The following UGT2A1 variants were observed in gnomAD, a reference collection of about 807,000 sequenced individuals.
UGT2A1 encodes UDP-glucuronosyltransferase 2A1.
A neutral mutation model predicts 45.4 loss-of-function variants in UGT2A1; 61 were observed. That is an observed-to-expected ratio of 1.34 (90% CI 1.09 to 1.66). UGT2A1 has a LOEUF of 1.66. Among genes scored for constraint, UGT2A1 ranks in the 40% most tolerant of loss-of-function variants. The pLI is 0.00. For synonymous variants in UGT2A1, 229 were observed against 196.2 expected, an observed-to-expected ratio of 1.17 and a Z score of -1.40; for missense variants, 649 against 574.3, an observed-to-expected ratio of 1.13 and a Z score of -1.33.
intron 1 of UGT2A1, among the ~76,000 whole-genome samples, chr4:69,647,937 T>C (rs916915553): frequency 6.6e-6 from 1 of 151,848 alleles, no homozygotes; most frequent in Non-Finnish European, 1.5e-5. Flanking sequence ...CAACCCTTTT[T>C]TGTGTGTTTC....
intron 3 of UGT2A1, among the ~76,000 whole-genome samples, chr4:69,607,468 A>T (rs1181299234): frequency 6.6e-6 from 1 of 152,016 alleles, no homozygotes; most frequent in Non-Finnish European, 1.5e-5. Context: ...TAAAAACCCT[A>T]GAAGAAAACC....
chr4:69,611,967 C>T (rs1424774358), intron 3 of UGT2A1, among the ~76,000 whole-genome samples: 1 of 151,910 alleles, frequency 6.6e-6, no homozygotes, highest in East Asian at 1.9e-4. Context: ...GAAAAATTTC[C>T]TCTGTTGACT....
intron 3 of UGT2A1, among the ~76,000 whole-genome samples, chr4:69,620,291 GA>G (rs112020407): frequency 6.8e-6 from 1 of 148,078 alleles, no homozygotes; most frequent in Admixed American, 6.7e-5. Context: ...AAAGTTTCAG[GA>G]AAAAAAATCT....
chr4:69,601,614 G>C (rs1577954011), intron 3 of UGT2A1, among the ~76,000 whole-genome samples: 1 of 152,196 alleles, frequency 6.6e-6, no homozygotes, highest in Middle Eastern at 3.4e-3. Flanking sequence ...TCCTGAGTTT[G>C]TCCACATGCC....
chr4:69,614,280 C>T (rs1255805659), intron 3 of UGT2A1, among the ~76,000 whole-genome samples: 2 of 151,804 alleles, frequency 1.3e-5, no homozygotes, highest in African/African-American at 4.8e-5. Context: ...AGAAATATAT[C>T]TACAATGAAA....
intron 3 of UGT2A1, 164 bp from the exon 4 acceptor site, chr4:69,599,558 G>A: frequency 9.7e-7 from 1 of 1,026,192 alleles, no homozygotes; most frequent in South Asian, 2.6e-5. Flanking sequence ...AGAAATTAAA[G>A]AGGATGGAAG....
rs1315694077 is a variant in UGT2A1 at position 69,647,153 on chromosome 4, T to A, written c.492A>T (p.Gly164=). The change falls in exon 2 of 7, where the codon GGA becomes GGT. Residue 164 remains glycine (G), a synonymous_variant. Coordinates refer to ENST00000286604, the MANE Select transcript of UGT2A1 (RefSeq NM_001252275.3). ...ACCTCAAGGAGTACATAAATGGAATTCCAAGTTTTAAAGCTACTATATCGC... is the reference window on the plus strand; with the variant it reads ...ACCTCAAGGAGTACATAAATGGAATACCAAGTTTTAAAGCTACTATATCGC... ...PCGDIVALKL[G]IPFMYSLRFS... The A allele has an allele frequency of 5.0e-6, 8 of 1,612,902 alleles. No homozygotes were observed. The highest frequency in any genetic ancestry group is 6.8e-6 in the Non-Finnish European group (8 of 1,179,404).
At chr4:69,625,703 T>C (rs1157086246) in intron 3 of UGT2A1, among the ~76,000 whole-genome samples, 3 of 151,460 alleles carry the variant, frequency 2.0e-5, no homozygotes, top group East Asian at 1.9e-4. Flanking sequence ...ATAGCACTTA[T>C]GTAAATTTAA....
intron 3 of UGT2A1, among the ~76,000 whole-genome samples, chr4:69,612,485 C>T (rs1283807017): frequency 1.3e-5 from 2 of 152,020 alleles, no homozygotes; most frequent in South Asian, 2.1e-4. Flanking sequence ...CAACTTCAAA[C>T]TATAAGACTA....
intron 4 of UGT2A1, chr4:69,596,398 T>G: frequency 6.5e-7 from 1 of 1,548,994 alleles, no homozygotes; most frequent in East Asian, 2.3e-5. Flanking sequence ...ACATAATATA[T>G]TTTCTATTAC....
chr4:69,588,480 G>A lies in UGT2A1; in HGVS notation c.*892C>T, dbSNP rs1167630746. The stretch of plus-strand genomic sequence containing the variant: ...AATTAAACTTTTGATTACAAATAGT[G>A]ATTATATATTATGAACATTAGTGAT... On this transcript the variant is annotated 3_prime_UTR_variant, in exon 7 of 7. Transcript: ENST00000286604. The A allele has an allele frequency of 6.6e-6, 1 of 151,870 alleles. No homozygotes were observed. The highest frequency in any genetic ancestry group is 1.5e-5 in the Non-Finnish European group (1 of 67,942). The allele number at this position is 151,870 out of a possible 1,614,324, so 9.4% of individuals were successfully genotyped here. A position where few individuals can be genotyped will look rare whatever the true frequency, so the allele number is the denominator to read the frequency against.
chr4:69,607,618 C>T (rs1719727792), intron 3 of UGT2A1, among the ~76,000 whole-genome samples: 1 of 152,134 alleles, frequency 6.6e-6, no homozygotes, highest in South Asian at 2.1e-4. Context: ...AAACTACCAT[C>T]AGAGTGAACA....
intron 3 of UGT2A1, among the ~76,000 whole-genome samples, chr4:69,612,178 A>G (rs1720103966): frequency 3.3e-5 from 5 of 152,070 alleles, no homozygotes; most frequent in Admixed American, 2.0e-4. Context: ...GAAAATCAGC[A>G]AAAGTAACAG....
At chr4:69,651,431 TATG>T (rs1228221855) in intron 1 of UGT2A1, among the ~76,000 whole-genome samples, 3 of 152,198 alleles carry the variant, frequency 2.0e-5, no homozygotes, top group Non-Finnish European at 4.4e-5. Context: ...AACTGTGTAA[TATG>T]ATTACTATAT....
At chr4:69,590,853 C>T (rs1363889301) in intron 6 of UGT2A1, among the ~76,000 whole-genome samples, 5 of 152,024 alleles carry the variant, frequency 3.3e-5, no homozygotes, top group Non-Finnish European at 7.4e-5. Context: ...TTATTATACA[C>T]TAATGTTTTA....
rs370581731 is a variant in UGT2A1 at position 69,594,506 on chromosome 4, G to A, written c.1275C>T (p.Ser425=). 3.1e-6 allele frequency: 5 copies of A among 1,614,090 alleles called. No homozygotes were observed. Among genetic ancestry groups the A allele is most frequent in the Admixed American group, 1.7e-5 (1 of 59,996 alleles). ...LNTMTSVDLL[S]ALRTVINEPS... The stretch of plus-strand genomic sequence containing the variant: ...GTTCATTAATGACTGTTCTCAAAGC[G>A]CTAAGCAAATCCACACTTGTCATTG... The change falls in exon 6 of 7, where the codon AGC becomes AGT. Residue 425 remains serine (S), a synonymous_variant. Transcript: ENST00000286604.
At chr4:69,609,657 C>G (rs10026988) in intron 3 of UGT2A1, among the ~76,000 whole-genome samples, 29,674 of 150,448 alleles carry the variant, frequency 0.2, 3,547 homozygotes, top group East Asian at 0.56. Flanking sequence ...ATTATTTATA[C>G]CTATACATAT....
chr4:69,639,225 A>G (rs778101194), intron 2 of UGT2A1: 1 of 1,613,726 alleles, frequency 6.2e-7, no homozygotes, highest in Non-Finnish European at 8.5e-7. Flanking sequence ...TGGGTTCTTT[A>G]GTACACCATC....
chr4:69,637,569 C>T (rs1220781201), intron 2 of UGT2A1, among the ~76,000 whole-genome samples: 1 of 152,086 alleles, frequency 6.6e-6, no homozygotes, highest in Admixed American at 6.6e-5. Context: ...TCCCTCAGGT[C>T]TTTGGCCTGA....
Sources: allele counts gnomAD v4.1 joint callset (sites outside exome capture counted in the v4.1 genomes callset), GRCh38; gene constraint gnomAD v4.1.1; transcripts MANE v1.5; gene names NCBI Gene and HGNC (gene_info 2026-07-23, HGNC 2026-07-21).